PDE4B: variants seen among roughly 807,000 people sequenced by gnomAD.
PDE4B encodes 3',5'-cyclic-AMP phosphodiesterase 4B.
PDE4B carries 20 observed loss-of-function variants against 82.2 expected under a neutral mutation model. The observed-to-expected ratio is 0.24, with a 90% CI of 0.17 to 0.35. The LOEUF (loss-of-function observed/expected upper bound fraction) is 0.35, where lower values mean the gene tolerates loss of function less well. Ranked by LOEUF, PDE4B falls within the 10% of genes least tolerant of loss-of-function variation. The pLI, the probability that PDE4B is intolerant of heterozygous loss-of-function variation, is 1.00. For synonymous variants in PDE4B, 320 were observed against 318.9 expected, an observed-to-expected ratio of 1.00 and a Z score of -0.04; for missense variants, 655 against 907.2, an observed-to-expected ratio of 0.72 and a Z score of 3.57.
intron 3 of PDE4B, among the ~76,000 whole-genome samples, chr1:65,987,311 G>A (rs1159928858): frequency 6.6e-6 from 1 of 152,114 alleles, no homozygotes; most frequent in Non-Finnish European, 1.5e-5. Context: ...TCCTAAAGAT[G>A]AGTAATTAAA....
At chr1:66,098,765 A>G (rs1645164032) in intron 3 of PDE4B, among the ~76,000 whole-genome samples, 1 of 152,276 alleles carries the variant, frequency 6.6e-6, no homozygotes, top group African/African-American at 2.4e-5. Flanking sequence ...TTAGAGCATT[A>G]AAAAGCAACT....
chr1:65,853,665 G>A (rs1646358311), intron 1 of PDE4B, among the ~76,000 whole-genome samples: 1 of 151,948 alleles, frequency 6.6e-6, no homozygotes, highest in Non-Finnish European at 1.5e-5. Flanking sequence ...GAGTAGCTGG[G>A]ACTACAGGCA....
intron 3 of PDE4B, among the ~76,000 whole-genome samples, chr1:66,141,341 TA>T (rs1294657108): frequency 2.5e-4 from 18 of 73,236 alleles, no homozygotes; most frequent in African/African-American, 6.1e-4. Flanking sequence ...TATATATATA[TA>T]TATATATATA....
intron 7 of PDE4B, among the ~76,000 whole-genome samples, chr1:66,286,243 T>G (rs183797993): frequency 6.6e-6 from 1 of 152,122 alleles, no homozygotes; most frequent in Admixed American, 6.6e-5. Flanking sequence ...CTTTGAGGAG[T>G]TGGAACTTTT....
At chr1:65,951,907 C>A (rs1296900494) in intron 3 of PDE4B, among the ~76,000 whole-genome samples, 3 of 152,050 alleles carry the variant, frequency 2.0e-5, no homozygotes, top group African/African-American at 7.2e-5. Context: ...AATCCCGATA[C>A]TCTAAGGTTT....
At chr1:65,878,527 T>C (rs1400431012) in intron 1 of PDE4B, among the ~76,000 whole-genome samples, 1 of 152,202 alleles carries the variant, frequency 6.6e-6, no homozygotes, top group Non-Finnish European at 1.5e-5. Flanking sequence ...GTGGCACATA[T>C]ACGTCATGGA....
chr1:66,338,426 C>T (rs1471172206), intron 8 of PDE4B, among the ~76,000 whole-genome samples: 1 of 152,222 alleles, frequency 6.6e-6, no homozygotes, highest in South Asian at 2.1e-4. Flanking sequence ...CTACCATACT[C>T]ACAGCCTCTA....
intron 3 of PDE4B, among the ~76,000 whole-genome samples, chr1:66,144,725 G>T: frequency 6.6e-6 from 1 of 152,190 alleles, no homozygotes; most frequent in East Asian, 1.9e-4. Flanking sequence ...GAGGATAAGG[G>T]ATATTCAACC....
At chr1:65,901,890 T>C (rs1399127677) in intron 1 of PDE4B, among the ~76,000 whole-genome samples, 2 of 152,122 alleles carry the variant, frequency 1.3e-5, no homozygotes, top group African/African-American at 2.4e-5. Context: ...TCTTAGATCA[T>C]TGATTTGAGA....
At chr1:66,014,256 C>T (rs1652649116) in intron 3 of PDE4B, among the ~76,000 whole-genome samples, 1 of 152,116 alleles carries the variant, frequency 6.6e-6, no homozygotes, top group Admixed American at 6.6e-5. Context: ...TTTCACTATA[C>T]TCTTGTGTTC....
rs1242686089 is a variant in PDE4B at position 66,081,832 on chromosome 1, C to CTGTG, written c.281+163029_281+163032dup. 5.7e-3 allele frequency among the ~76,000 whole-genome samples: 708 copies of CTGTG among 125,160 alleles called. 7 individuals carry two copies. The highest frequency in any genetic ancestry group is 0.029 in the East Asian group (112 of 3,888). The allele number at this position is 125,160 out of a possible 152,430, so 82.1% of individuals were successfully genotyped here. On this transcript the variant is annotated intron_variant, in intron 3 of 16. Coordinates refer to ENST00000341517, the MANE Select transcript of PDE4B (RefSeq NM_002600.4). Reference sequence around the variant, plus strand: ...ACTCTCTCTCTCTCTCTCTCTCTCTCTGTGTGTGTGTGTGTGTGTGTGTGT... The same window carrying CTGTG: ...ACTCTCTCTCTCTCTCTCTCTCTCTCTGTGTGTGTGTGTGTGTGTGTGTGTGTGT...
chr1:66,026,075 A>G (rs541645918), intron 3 of PDE4B, among the ~76,000 whole-genome samples: 1 of 152,346 alleles, frequency 6.6e-6, no homozygotes, highest in South Asian at 2.1e-4. Context: ...AAATGTAAAT[A>G]TCTGCAACAT....
intron 12 of PDE4B, among the ~76,000 whole-genome samples, chr1:66,364,025 A>G (rs986809572): frequency 1.3e-5 from 2 of 152,156 alleles, no homozygotes; most frequent in African/African-American, 4.8e-5. Context: ...TCAGGGCAGG[A>G]ATCATGTCTT....
At position 66,217,240 on chromosome 1, in the gene PDE4B, C is replaced by T. The variant is rs1469683897; in HGVS notation, c.282-30220C>T. Among the ~76,000 whole-genome samples, 4 of 151,872 alleles carry T rather than the reference C, an allele frequency of 2.6e-5. No homozygotes were observed. In the Middle Eastern group the frequency reaches 0.01, roughly 387 times the overall value. Reference sequence around the variant, plus strand: ...ACCCCAGCATTGTAGCTGTCATTGGCTAGGCAAGAAAAAAAAGTACATCTG... The same window carrying T: ...ACCCCAGCATTGTAGCTGTCATTGGTTAGGCAAGAAAAAAAAGTACATCTG... On this transcript the variant is annotated intron_variant, in intron 3 of 16. Coordinates refer to ENST00000341517, the MANE Select transcript of PDE4B (RefSeq NM_002600.4).
intron 3 of PDE4B, among the ~76,000 whole-genome samples, chr1:66,095,617 A>G (rs1051271798): frequency 1.3e-5 from 2 of 151,978 alleles, no homozygotes; most frequent in African/African-American, 2.4e-5. Flanking sequence ...ATTAATAGCC[A>G]TAGCCAATTT....
chr1:65,812,309 A>G (rs1392273992), intron 1 of PDE4B, among the ~76,000 whole-genome samples: 1 of 152,080 alleles, frequency 6.6e-6, no homozygotes, highest in Non-Finnish European at 1.5e-5. Flanking sequence ...CTTGTAGGTT[A>G]GTTACTCACT....
At chr1:66,229,108 C>T (rs371743076) in intron 3 of PDE4B, among the ~76,000 whole-genome samples, 40 of 152,180 alleles carry the variant, frequency 2.6e-4, no homozygotes, top group African/African-American at 6.7e-4. Context: ...CCTGGGTTCA[C>T]GCCATTCTCC....
chr1:66,111,201 A>T (rs1166153120), intron 3 of PDE4B, among the ~76,000 whole-genome samples: 1 of 152,104 alleles, frequency 6.6e-6, no homozygotes, highest in Non-Finnish European at 1.5e-5. Flanking sequence ...TACACTTTAA[A>T]ATAATTTTCT....
chr1:66,349,243 T>C (rs1041451875), intron 8 of PDE4B, among the ~76,000 whole-genome samples: 2 of 152,218 alleles, frequency 1.3e-5, no homozygotes, highest in Non-Finnish European at 2.9e-5. Flanking sequence ...GAGCAGAGAC[T>C]TGTCCTCTAA....
Sources: gnomAD v4.1 joint callset for allele counts (sites outside exome capture counted in the v4.1 genomes callset) on GRCh38, gnomAD v4.1.1 for gene constraint, MANE v1.5 for transcripts, NCBI Gene and HGNC (gene_info 2026-07-23, HGNC 2026-07-21) for gene names.